ACTR3C: variants seen among roughly 807,000 people sequenced by gnomAD.
ACTR3C encodes the protein actin-related protein 3C.
In ACTR3C, 18 loss-of-function variants were observed where a neutral mutation model predicts 26.3. That is an observed-to-expected ratio of 0.68 (90% CI 0.47 to 1.01). ACTR3C has a LOEUF of 1.01. ACTR3C is among the 50% of genes least tolerant of loss of function. The pLI is 0.00. For synonymous variants in ACTR3C, 55 were observed against 94.5 expected, an observed-to-expected ratio of 0.58 and a Z score of 2.42; for missense variants, 184 against 250.7, an observed-to-expected ratio of 0.73 and a Z score of 1.80.
intron 1 of ACTR3C, among the ~76,000 whole-genome samples, chr7:150,322,066 C>T (rs923443929): frequency 6.6e-6 from 1 of 152,204 alleles, no homozygotes; most frequent in Non-Finnish European, 1.5e-5. Flanking sequence ...ATTTTGTGCT[C>T]GTCCAGGGAA....
At chr7:150,114,915 C>A in the ACTR3C span, among the ~76,000 whole-genome samples, 1 of 152,038 alleles carries the variant, frequency 6.6e-6, no homozygotes, top group South Asian at 2.1e-4. Context: ...TGGCCCCAAA[C>A]TGTTGCCCAA....
the ACTR3C span, among the ~76,000 whole-genome samples, chr7:150,035,825 C>A: frequency 3.0e-3 from 398 of 131,560 alleles, 39 homozygotes; most frequent in Middle Eastern, 0.014. Flanking sequence ...TCAGTCCCTG[C>A]CTTGCGGGGG....
chr7:149,979,851 G>T, the ACTR3C span, among the ~76,000 whole-genome samples: 1 of 149,632 alleles, frequency 6.7e-6, no homozygotes, highest in Non-Finnish European at 1.5e-5. Context: ...GTAAAGACTG[G>T]AGAAGAGAGG....
chr7:150,231,578 C>A, the ACTR3C span, among the ~76,000 whole-genome samples: 2 of 150,230 alleles, frequency 1.3e-5, no homozygotes, highest in Admixed American at 1.3e-4. Context: ...AACTGTGAGC[C>A]AAATAAACCT....
At chr7:150,305,738 C>T (rs1795763660) in intron 1 of ACTR3C, among the ~76,000 whole-genome samples, 1 of 152,110 alleles carries the variant, frequency 6.6e-6, no homozygotes, top group African/African-American at 2.4e-5. Flanking sequence ...CCCAGGTGCT[C>T]AGTCCACATA....
rs1207821965 is a variant in ACTR3C at position 150,268,300 on chromosome 7, T to C, written c.564+16453A>G. Among the ~76,000 whole-genome samples, 7 of 147,922 alleles carry C rather than the reference T, an allele frequency of 4.7e-5. No homozygotes were observed. In the East Asian group the frequency reaches 1.4e-3, roughly 29 times the overall value. On this transcript the variant is annotated intron_variant, in intron 6 of 7. Coordinates refer to ENST00000683684, the MANE Select transcript of ACTR3C (RefSeq NM_001164458.2). The stretch of plus-strand genomic sequence containing the variant: ...ACAATATGCACTATACTTCCAGGCC[T>C]TTCCTAAAAGCAAACTCCAGCTCCC...
chr7:149,932,893 C>T, the ACTR3C span, among the ~76,000 whole-genome samples: 36,302 of 150,356 alleles, frequency 0.24, 5,050 homozygotes, highest in South Asian at 0.37. Flanking sequence ...AGAGGTTTGG[C>T]GGGGCCAGGC....
chr7:150,219,099 AAAC>A, the ACTR3C span, among the ~76,000 whole-genome samples: 1 of 150,722 alleles, frequency 6.6e-6, no homozygotes, highest in Non-Finnish European at 1.5e-5. Flanking sequence ...TACATAACTC[AAAC>A]AAAACAAGAA....
the ACTR3C span, among the ~76,000 whole-genome samples, chr7:150,086,190 G>C: frequency 6.6e-6 from 1 of 151,950 alleles, no homozygotes; most frequent in African/African-American, 2.4e-5. Context: ...CACCATGTTG[G>C]GCAGGTTGGT....
rs190558354 is a variant in ACTR3C, at chr7:150,272,520, T to C, written c.564+12233A>G. ...TTGGTTTCTTATCACCTATGCTTGT[T>C]TCACCTTCAGAGTGAGGAAAAAGCA... On this transcript the variant is annotated intron_variant, in intron 6 of 7. Transcript: ENST00000683684. Among the ~76,000 whole-genome samples, 506 of 139,386 alleles carry C rather than the reference T, an allele frequency of 3.6e-3. 54 individuals carry two copies. The highest frequency in any genetic ancestry group is 0.018 in the Middle Eastern group (5 of 282). 91.4% of individuals were successfully genotyped at this position (139,386 alleles called of 152,430 possible).
chr7:150,117,749 C>T, the ACTR3C span, among the ~76,000 whole-genome samples: 1 of 152,218 alleles, frequency 6.6e-6, no homozygotes, highest in East Asian at 1.9e-4. Context: ...GACAGACTGC[C>T]TCCTCAAGTG....
chr7:150,042,591 C>T, the ACTR3C span, among the ~76,000 whole-genome samples: 1 of 147,708 alleles, frequency 6.8e-6, no homozygotes, highest in African/African-American at 2.7e-5. Context: ...GGTGCCTCCC[C>T]CCACTGCGAT....
chr7:149,994,935 A>ACCTCTG, the ACTR3C span, among the ~76,000 whole-genome samples: 22 of 149,318 alleles, frequency 1.5e-4, no homozygotes, highest in South Asian at 4.5e-3. Context: ...GCTCACTGAA[A>ACCTCTG]CCTCTGCCTC....
the ACTR3C span, among the ~76,000 whole-genome samples, chr7:150,037,574 C>A: frequency 0.028 from 539 of 18,986 alleles, 13 homozygotes; most frequent in African/African-American, 0.11. Context: ...CCTAAGAACC[C>A]GGGGGGGAAG....
the ACTR3C span, among the ~76,000 whole-genome samples, chr7:150,163,689 G>A: frequency 3.9e-5 from 6 of 152,032 alleles, no homozygotes; most frequent in Non-Finnish European, 8.8e-5. Context: ...CCCAAGACTT[G>A]AGAACCAAGG....
chr7:150,311,803 T>C (rs1796351481), intron 1 of ACTR3C, among the ~76,000 whole-genome samples: 1 of 152,194 alleles, frequency 6.6e-6, no homozygotes, highest in Non-Finnish European at 1.5e-5. Flanking sequence ...GCACTTCCTC[T>C]CTCCACTACT....
chr7:150,089,624 A>G, the ACTR3C span, among the ~76,000 whole-genome samples: 1 of 152,218 alleles, frequency 6.6e-6, no homozygotes, highest in Non-Finnish European at 1.5e-5. Flanking sequence ...CCTGCACTCA[A>G]CAACATTCTC....
the ACTR3C span, among the ~76,000 whole-genome samples, chr7:150,034,206 C>G: frequency 1.3e-5 from 2 of 151,920 alleles, no homozygotes; most frequent in Non-Finnish European, 2.9e-5. Context: ...CTTTTACTAG[C>G]AGGGCAGTTG....
the ACTR3C span, among the ~76,000 whole-genome samples, chr7:150,234,225 T>G: frequency 1.3e-5 from 2 of 152,162 alleles, no homozygotes; most frequent in Non-Finnish European, 2.9e-5. Context: ...CACAGTCTTT[T>G]AGGGGGTCCA....
Sources: allele counts gnomAD v4.1 joint callset (sites outside exome capture counted in the v4.1 genomes callset), GRCh38; gene constraint gnomAD v4.1.1; transcripts MANE v1.5; gene names NCBI Gene and HGNC (gene_info 2026-07-23, HGNC 2026-07-21).